The following TTC7B variants were observed in gnomAD, a reference collection of about 807,000 sequenced individuals.
TTC7B encodes tetratricopeptide repeat domain 7B.
TTC7B carries 28 observed loss-of-function variants against 106.8 expected under a neutral mutation model. The ratio of observed to expected loss-of-function variants is 0.26; its 90% CI spans 0.19 to 0.36. The LOEUF (loss-of-function observed/expected upper bound fraction) is 0.36, where lower values mean the gene tolerates loss of function less well. Among genes scored for constraint, TTC7B ranks in the 10% least tolerant of loss-of-function variants. TTC7B has a pLI of 1.00. For synonymous variants in TTC7B, 405 were observed against 430.6 expected (o/e 0.94, Z 0.74); for missense variants, 862 against 1,076.4 (o/e 0.80, Z 2.79).
At chr14:90,574,164 T>C (rs931164408) in intron 19 of TTC7B, among the ~76,000 whole-genome samples, 3 of 152,358 alleles carry the variant, frequency 2.0e-5, no homozygotes, top group Non-Finnish European at 4.4e-5. Context: ...ATAACTGCTT[T>C]GGAAAAAGTT....
At position 90,759,929 on chromosome 14, in the gene TTC7B, T is replaced by TA. The variant is rs1382191540; in HGVS notation, c.446-15008dup. Among the ~76,000 whole-genome samples, 1 of 152,198 alleles carries TA rather than the reference T, an allele frequency of 6.6e-6. No homozygotes were observed. Among genetic ancestry groups the TA allele is most frequent in the Admixed American group, 6.5e-5 (1 of 15,284 alleles). Reference sequence around the variant, plus strand: ...AGGGAGATAAAGCAGGCAGCTTAGATATGACACAGCCTCAACACCCAACCC... The same window carrying TA: ...AGGGAGATAAAGCAGGCAGCTTAGATAATGACACAGCCTCAACACCCAACCC... On this transcript the variant is annotated intron_variant, in intron 3 of 19. Transcript: ENST00000328459. This position sits in a 1 kb window ranked among gnomAD's most constrained non-coding sequence, Gnocchi z 4.1.
At chr14:90,611,302 C>G (rs1318332108) in intron 16 of TTC7B, among the ~76,000 whole-genome samples, 1 of 152,190 alleles carries the variant, frequency 6.6e-6, no homozygotes, top group Non-Finnish European at 1.5e-5. Flanking sequence ...CAGGACATCT[C>G]TAAACAACAG....
chr14:90,721,290 A>T (rs780471450), intron 5 of TTC7B, among the ~76,000 whole-genome samples: 13 of 152,210 alleles, frequency 8.5e-5, no homozygotes, highest in Non-Finnish European at 1.3e-4. Context: ...TCTAACCCTC[A>T]CTAAGTGCTA....
At chr14:90,735,725 T>C (rs1384043351) in intron 4 of TTC7B, among the ~76,000 whole-genome samples, 1 of 151,636 alleles carries the variant, frequency 6.6e-6, no homozygotes, top group Non-Finnish European at 1.5e-5. Flanking sequence ...TTAAAAAACC[T>C]ACTAAAGTCT....
chr14:90,722,956 CCTTCA>C (rs2139980910), intron 5 of TTC7B, among the ~76,000 whole-genome samples: 1 of 152,300 alleles, frequency 6.6e-6, no homozygotes, highest in Non-Finnish European at 1.5e-5. Context: ...ACTCTCTGCC[CCTTCA>C]CTGATCTCAT....
chr14:90,677,035 T>A (rs1886870693), intron 8 of TTC7B, among the ~76,000 whole-genome samples: 1 of 152,230 alleles, frequency 6.6e-6, no homozygotes, highest in Non-Finnish European at 1.5e-5. Flanking sequence ...GAGGCCCTGC[T>A]GCACCTCACT....
chr14:90,555,410 G>A (rs574429995), intron 19 of TTC7B, among the ~76,000 whole-genome samples: 2 of 152,256 alleles, frequency 1.3e-5, no homozygotes, highest in African/African-American at 2.4e-5. Flanking sequence ...CCTAGGGAAG[G>A]GGGGGGTGTT....
At chr14:90,664,373 G>A (rs1161797097) in intron 9 of TTC7B, among the ~76,000 whole-genome samples, 3 of 152,126 alleles carry the variant, frequency 2.0e-5, no homozygotes, top group South Asian at 2.1e-4. Flanking sequence ...GGGATCAAGC[G>A]ATTCGCCTGC....
At chr14:90,664,319 G>C (rs1259869482) in intron 9 of TTC7B, among the ~76,000 whole-genome samples, 1 of 152,080 alleles carries the variant, frequency 6.6e-6, no homozygotes, top group Non-Finnish European at 1.5e-5. Flanking sequence ...ACCCAGGCTG[G>C]AGTGTGGTAG....
At chr14:90,563,716 A>G (rs1017695083) in intron 19 of TTC7B, among the ~76,000 whole-genome samples, 1 of 152,234 alleles carries the variant, frequency 6.6e-6, no homozygotes, top group South Asian at 2.1e-4. Context: ...GTTGGAGTCC[A>G]TCCTCTCTAA....
intron 3 of TTC7B, among the ~76,000 whole-genome samples, chr14:90,762,439 C>T (rs7142079): frequency 0.27 from 41,519 of 152,150 alleles, 9,294 homozygotes; most frequent in African/African-American, 0.62. Flanking sequence ...CAGTCTCCTT[C>T]GCTAGAATCT....
chr14:90,640,094 C>T (rs375494951), intron 15 of TTC7B, among the ~76,000 whole-genome samples: 41 of 152,126 alleles, frequency 2.7e-4, no homozygotes, highest in East Asian at 1.9e-3. Context: ...GCCTGGCCAA[C>T]GTGGTGAAAC....
intron 15 of TTC7B, among the ~76,000 whole-genome samples, chr14:90,635,687 G>A (rs1884903729): frequency 6.6e-6 from 1 of 150,558 alleles, no homozygotes. Context: ...GTGAACCCAG[G>A]AGGCAGAGCT....
At chr14:90,571,275 C>T (rs1343427285) in intron 19 of TTC7B, among the ~76,000 whole-genome samples, 1 of 152,176 alleles carries the variant, frequency 6.6e-6, no homozygotes, top group Non-Finnish European at 1.5e-5. Context: ...AAGCAGCTAT[C>T]GAAGAGTGTG....
chr14:90,527,850 C>A lies in TTC7B; in HGVS notation c.*13518G>T, dbSNP rs543328327. On this transcript the variant is annotated 3_prime_UTR_variant, in exon 20 of 20. Transcript: ENST00000328459. ...CTGGGATTTCAGGCGTGAGCCACTG[C>A]GCCTGGCAGATGTGACTCACTTTAT... 6.6e-5 allele frequency: 10 copies of A among 151,586 alleles called. No homozygotes were observed. The highest frequency in any genetic ancestry group is 1.2e-4 in the Non-Finnish European group (8 of 67,928). 9.4% of individuals were successfully genotyped at this position (151,586 alleles called of 1,614,324 possible).
intron 19 of TTC7B, among the ~76,000 whole-genome samples, chr14:90,554,508 C>T (rs1026185942): frequency 1.2e-4 from 19 of 152,212 alleles, no homozygotes; most frequent in African/African-American, 4.6e-4. Flanking sequence ...ACTCGTTGAG[C>T]GCCTGTGGGT....
chr14:90,644,273 A>C, intron 14 of TTC7B, 65 bp from the exon 15 acceptor site: 2 of 1,304,586 alleles, frequency 1.5e-6, no homozygotes, highest in Non-Finnish European at 2.1e-6. Context: ...ACACACACAC[A>C]CACACACGCG....
At position 90,644,217 on chromosome 14, in the gene TTC7B, A is replaced by C; in HGVS notation, c.1591-9T>G. The C allele has an allele frequency of 6.4e-7, 1 of 1,562,520 alleles. No individual in the cohort carries two copies. The highest frequency in any genetic ancestry group is 8.6e-7 in the Non-Finnish European group (1 of 1,159,600). On this transcript the variant is annotated splice_polypyrimidine_tract_variant and intron_variant, in intron 14 of 19. Transcript: ENST00000328459. ...CCCAGAGCCTCTGGGATCTGGTTTA[A>C]AACAAAACCAAAAAAGGTTTTACAT... is the stretch of plus-strand genomic sequence containing the variant.
intron 9 of TTC7B, among the ~76,000 whole-genome samples, chr14:90,666,322 T>G (rs1238920046): frequency 6.6e-6 from 1 of 152,120 alleles, no homozygotes; most frequent in African/African-American, 2.4e-5. Flanking sequence ...CCACCACGCC[T>G]GGCTAATTTT....
Sources: allele counts gnomAD v4.1 joint callset (sites outside exome capture counted in the v4.1 genomes callset), GRCh38; gene constraint gnomAD v4.1.1; non-coding constraint Gnocchi (gnomAD v3.1); transcripts MANE v1.5; gene names NCBI Gene and HGNC (gene_info 2026-07-23, HGNC 2026-07-21).